Variants in HS6ST3 observed in about 807,000 individuals in gnomAD.
HS6ST3 encodes heparan sulfate 6-O-sulfotransferase 3, also known as heparan-sulfate 6-O-sulfotransferase 3.
A neutral mutation model predicts 36.7 loss-of-function variants in HS6ST3; 12 were observed. The ratio of observed to expected loss-of-function variants is 0.33; its 90% CI spans 0.21 to 0.53. HS6ST3 has a LOEUF of 0.53. HS6ST3 is among the 20% of genes least tolerant of loss of function. HS6ST3 has a pLI of 0.95. For synonymous variants in HS6ST3, 240 were observed against 257.5 expected, an observed-to-expected ratio of 0.93 and a Z score of 0.65; for missense variants, 584 against 640.9, an observed-to-expected ratio of 0.91 and a Z score of 0.96.
intron 1 of HS6ST3, among the ~76,000 whole-genome samples, chr13:96,333,405 C>G (rs1925112): frequency 0.38 from 57,314 of 151,992 alleles, 11,291 homozygotes; most frequent in Non-Finnish European, 0.43. Context: ...TTAGAGAGGA[C>G]TGCTGTTAAG....
intron 1 of HS6ST3, among the ~76,000 whole-genome samples, chr13:96,547,314 C>T (rs933249218): frequency 2.6e-5 from 4 of 152,138 alleles, no homozygotes; most frequent in African/African-American, 4.8e-5. Context: ...CCAAAATTAG[C>T]TCAAGGCAAT....
intron 1 of HS6ST3, among the ~76,000 whole-genome samples, chr13:96,418,279 T>C (rs948709207): frequency 6.6e-5 from 10 of 152,262 alleles, no homozygotes; most frequent in African/African-American, 2.4e-4. Flanking sequence ...TAGCTCAAAT[T>C]ATTTGCCACA....
chr13:96,543,554 C>A (rs752215068), intron 1 of HS6ST3, among the ~76,000 whole-genome samples: 1 of 152,236 alleles, frequency 6.6e-6, no homozygotes, highest in Non-Finnish European at 1.5e-5. Context: ...GGCCTGCCTT[C>A]TCCCTATGGA....
At chr13:96,136,718 T>TATATATAG (rs2054004273) in intron 1 of HS6ST3, among the ~76,000 whole-genome samples, 1 of 128,862 alleles carries the variant, frequency 7.8e-6, no homozygotes, top group Non-Finnish European at 1.7e-5. Flanking sequence ...TATATATATA[T>TATATATAG]AGTAAAATGG....
chr13:96,813,557 A>G (rs1025141937), intron 1 of HS6ST3, among the ~76,000 whole-genome samples: 6 of 152,176 alleles, frequency 3.9e-5, no homozygotes, highest in Non-Finnish European at 7.3e-5. Context: ...TTGACTCTCC[A>G]CTGTGGAAAA....
chr13:96,271,900 C>T (rs566712619), intron 1 of HS6ST3, among the ~76,000 whole-genome samples: 1 of 152,028 alleles, frequency 6.6e-6, no homozygotes, highest in African/African-American at 2.4e-5. Flanking sequence ...CTCTGCATTT[C>T]CTAGAATCTT....
At chr13:96,688,077 G>GA (rs1446623890) in intron 1 of HS6ST3, among the ~76,000 whole-genome samples, 116 of 3,724 alleles carry the variant, frequency 0.031, no homozygotes, top group South Asian at 0.5. Context: ...GTCATGGAAT[G>GA]GGGGGGGGGG....
At chr13:96,288,791 G>T (rs936270785) in intron 1 of HS6ST3, among the ~76,000 whole-genome samples, 1 of 151,920 alleles carries the variant, frequency 6.6e-6, no homozygotes, top group East Asian at 1.9e-4. Flanking sequence ...TATTAACAAT[G>T]TTTTGTAGGT....
intron 1 of HS6ST3, among the ~76,000 whole-genome samples, chr13:96,378,633 C>G (rs113509540): frequency 0.018 from 2,684 of 152,198 alleles, 35 homozygotes; most frequent in East Asian, 0.056. Flanking sequence ...CTTTCTATGA[C>G]GGCCCCTTAA....
At chr13:96,524,664 G>A (rs903229074) in intron 1 of HS6ST3, among the ~76,000 whole-genome samples, 4 of 152,246 alleles carry the variant, frequency 2.6e-5, no homozygotes, top group Non-Finnish European at 4.4e-5. Flanking sequence ...GCAAGGCTCC[G>A]TGGGCATGGG....
chr13:96,782,829 G>A lies in HS6ST3; in HGVS notation c.708-49661G>A, dbSNP rs1159854. Among the ~76,000 whole-genome samples, 153 of 152,162 alleles carry A rather than the reference G, an allele frequency of 1.0e-3. 1 individual carries two copies. The highest frequency in any genetic ancestry group is 3.5e-3 in the African/African-American group (145 of 41,534). On this transcript the variant is annotated intron_variant, in intron 1 of 1. Coordinates refer to ENST00000376705, the MANE Select transcript of HS6ST3 (RefSeq NM_153456.4). The stretch of plus-strand genomic sequence containing the variant: ...ACATTCACTTAAAATCACTCATTCT[G>A]AGTAGAAAGAGGAAAAGCCTCCTCC...
At chr13:96,333,813 G>A (rs1009602765) in intron 1 of HS6ST3, among the ~76,000 whole-genome samples, 4 of 152,114 alleles carry the variant, frequency 2.6e-5, no homozygotes, top group Admixed American at 6.5e-5. Context: ...ATTGAAAGAA[G>A]GCTTCCAAAG....
At chr13:96,379,529 A>G (rs948455831) in intron 1 of HS6ST3, among the ~76,000 whole-genome samples, 1 of 152,212 alleles carries the variant, frequency 6.6e-6, no homozygotes, top group Non-Finnish European at 1.5e-5. Flanking sequence ...ATTGTTTATA[A>G]ACTACCCAAT....
chr13:96,363,048 C>G (rs1234350812), intron 1 of HS6ST3, among the ~76,000 whole-genome samples: 2 of 151,974 alleles, frequency 1.3e-5, no homozygotes, highest in African/African-American at 4.8e-5. Context: ...AGGTTTAGCA[C>G]AGGTGACAGA....
At chr13:96,392,566 C>G (rs1264026348) in intron 1 of HS6ST3, among the ~76,000 whole-genome samples, 2 of 152,168 alleles carry the variant, frequency 1.3e-5, no homozygotes, top group African/African-American at 2.4e-5. Flanking sequence ...GATCTGATGT[C>G]CAAAGAATTA....
At chr13:96,566,569 A>T (rs535388780) in intron 1 of HS6ST3, among the ~76,000 whole-genome samples, 1 of 152,306 alleles carries the variant, frequency 6.6e-6, no homozygotes, top group Admixed American at 6.5e-5. Flanking sequence ...ACATAAAAGA[A>T]AAGACCCAGC....
chr13:96,359,687 T>C (rs2055227646), intron 1 of HS6ST3, among the ~76,000 whole-genome samples: 1 of 152,104 alleles, frequency 6.6e-6, no homozygotes, highest in Non-Finnish European at 1.5e-5. Flanking sequence ...ATGTAGGGCC[T>C]TGGGGAAGGG....
intron 1 of HS6ST3, among the ~76,000 whole-genome samples, chr13:96,468,163 C>T (rs2055823482): frequency 6.6e-6 from 1 of 152,054 alleles, no homozygotes; most frequent in African/African-American, 2.4e-5. Flanking sequence ...TTTTAGAATG[C>T]CAGAAATTGC....
At chr13:96,546,926 A>G (rs770849588) in intron 1 of HS6ST3, among the ~76,000 whole-genome samples, 4 of 152,194 alleles carry the variant, frequency 2.6e-5, no homozygotes, top group Non-Finnish European at 2.9e-5. Context: ...TGTTGTAGCT[A>G]TGCACCTCTT....
Sources: gnomAD v4.1 joint callset for allele counts (sites outside exome capture counted in the v4.1 genomes callset) on GRCh38, gnomAD v4.1.1 for gene constraint, MANE v1.5 for transcripts, NCBI Gene and HGNC (gene_info 2026-07-23, HGNC 2026-07-21) for gene names.